Variants in TLK1 observed in about 807,000 individuals in gnomAD.
TLK1 encodes serine/threonine-protein kinase tousled-like 1.
TLK1 carries 24 observed loss-of-function variants against 105.3 expected under a neutral mutation model. The ratio of observed to expected loss-of-function variants is 0.23; its 90% CI spans 0.17 to 0.32. TLK1 has a LOEUF of 0.32. Among genes scored for constraint, TLK1 ranks in the 10% least tolerant of loss-of-function variants. TLK1 has a pLI of 1.00. For synonymous variants in TLK1, 321 were observed against 310.4 expected (o/e 1.03, Z -0.36); for missense variants, 558 against 910.5 (o/e 0.61, Z 4.98).
At chr2:170,995,754 G>A (rs886923044) in intron 20 of TLK1, among the ~76,000 whole-genome samples, 18 of 152,144 alleles carry the variant, frequency 1.2e-4, no homozygotes, top group Admixed American at 9.8e-4. Flanking sequence ...CCATGCAGGA[G>A]TGCAGTGGTG....
chr2:171,150,403 A>G (rs1475945061), intron 1 of TLK1, among the ~76,000 whole-genome samples: 2 of 152,190 alleles, frequency 1.3e-5, no homozygotes, highest in African/African-American at 4.8e-5. Flanking sequence ...TTTTTTGCTC[A>G]TTATCATCCC....
chr2:171,138,461 T>C lies in TLK1; in HGVS notation c.140-20604A>G, dbSNP rs563976071. On this transcript the variant is annotated intron_variant, in intron 1 of 20. Transcript: ENST00000431350. ...TCAGATGGCAGCATTTGGAGGACAG[T>C]ACGAAATAACGTAATCCCTCTTAAA... Among the ~76,000 whole-genome samples the C allele has an allele frequency of 1.4e-3, 220 of 152,324 alleles. 1 individual carries two copies. The highest frequency in any genetic ancestry group is 3.5e-3 in the Admixed American group (53 of 15,300).
At chr2:171,123,203 A>G (rs1690731566) in intron 1 of TLK1, among the ~76,000 whole-genome samples, 1 of 152,002 alleles carries the variant, frequency 6.6e-6, no homozygotes, top group Non-Finnish European at 1.5e-5. Flanking sequence ...CTCATCTGTT[A>G]AATTTTGTTT....
intron 1 of TLK1, among the ~76,000 whole-genome samples, chr2:171,227,367 T>C (rs1237320941): frequency 6.6e-6 from 1 of 152,170 alleles, no homozygotes; most frequent in Non-Finnish European, 1.5e-5. Context: ...TTTCAGTGAA[T>C]AGAATGAGAG....
At chr2:171,050,617 ATAAC>A (rs748404115) in intron 8 of TLK1, among the ~76,000 whole-genome samples, 5 of 152,192 alleles carry the variant, frequency 3.3e-5, no homozygotes, top group South Asian at 2.1e-4. Flanking sequence ...TCTATCTCTT[ATAAC>A]TAACAAAATA....
At chr2:171,195,876 C>A (rs1251225562) in intron 1 of TLK1, among the ~76,000 whole-genome samples, 1 of 151,770 alleles carries the variant, frequency 6.6e-6, no homozygotes, top group Non-Finnish European at 1.5e-5. Context: ...TGGCAAAACC[C>A]CGTCTTGCAA....
intron 2 of TLK1, among the ~76,000 whole-genome samples, chr2:171,089,905 T>C (rs987237199): frequency 2.0e-5 from 3 of 152,218 alleles, no homozygotes; most frequent in Non-Finnish European, 4.4e-5. Flanking sequence ...AGCTCTGTTA[T>C]TGTCCTTTAA....
At chr2:171,035,387 T>C (rs1037537359) in intron 11 of TLK1, among the ~76,000 whole-genome samples, 1 of 151,856 alleles carries the variant, frequency 6.6e-6, no homozygotes, top group Non-Finnish European at 1.5e-5. Flanking sequence ...ACAAGCACTC[T>C]TCTCTTGTCT....
chr2:171,227,411 G>T (rs906282729), intron 1 of TLK1, among the ~76,000 whole-genome samples: 1 of 152,136 alleles, frequency 6.6e-6, no homozygotes, highest in Non-Finnish European at 1.5e-5. Flanking sequence ...TGCTACAACT[G>T]CAGGAGAGCT....
chr2:170,995,595 C>CA (rs1231135951), intron 20 of TLK1, among the ~76,000 whole-genome samples: 1 of 152,096 alleles, frequency 6.6e-6, no homozygotes, highest in Non-Finnish European at 1.5e-5. Context: ...AATGAGGCTA[C>CA]AGACAGAAAA....
At chr2:171,143,937 C>T (rs531652969) in intron 1 of TLK1, among the ~76,000 whole-genome samples, 1 of 152,270 alleles carries the variant, frequency 6.6e-6, no homozygotes, top group South Asian at 2.1e-4. Flanking sequence ...CAATTAAACG[C>T]TGTCTACTTA....
intron 20 of TLK1, 41 bp from the exon 21 acceptor site, chr2:170,993,997 T>C (rs1189062565): frequency 1.3e-6 from 2 of 1,535,008 alleles, no homozygotes; most frequent in African/African-American, 1.4e-5. Flanking sequence ...AATGATCTTT[T>C]TCCCTTCTAA....
At chr2:171,068,968 T>G (rs1688134481) in intron 3 of TLK1, among the ~76,000 whole-genome samples, 1 of 152,194 alleles carries the variant, frequency 6.6e-6, no homozygotes, top group African/African-American at 2.4e-5. Context: ...AATAAAATTC[T>G]GAAACAAAAT....
chr2:171,219,381 CTCTG>C (rs1377804282), intron 1 of TLK1, among the ~76,000 whole-genome samples: 1 of 152,152 alleles, frequency 6.6e-6, no homozygotes, highest in Non-Finnish European at 1.5e-5. Context: ...CTCTGTCTCT[CTCTG>C]TCTTAGTTCA....
chr2:171,015,721 ACACACACACACC>A (rs779452388), intron 12 of TLK1, among the ~76,000 whole-genome samples: 7,322 of 37,878 alleles, frequency 0.19, 416 homozygotes, highest in African/African-American at 0.3. Flanking sequence ...ACACACACAC[ACACACACACACC>A]CACCCCTTTT....
intron 1 of TLK1, among the ~76,000 whole-genome samples, chr2:171,122,199 C>G (rs1484043495): frequency 1.3e-5 from 2 of 152,062 alleles, no homozygotes; most frequent in Admixed American, 6.6e-5. Context: ...CTCTTGACCT[C>G]GTGAATTACA....
At chr2:171,192,418 G>A (rs1056377997) in intron 1 of TLK1, among the ~76,000 whole-genome samples, 5 of 152,228 alleles carry the variant, frequency 3.3e-5, no homozygotes, top group East Asian at 1.9e-4. Flanking sequence ...GGTGGCTCAC[G>A]CCTATAATCC....
intron 2 of TLK1, among the ~76,000 whole-genome samples, chr2:171,117,398 T>A (rs1690481263): frequency 6.6e-6 from 1 of 152,110 alleles, no homozygotes; most frequent in African/African-American, 2.4e-5. Context: ...CTAAAAGATA[T>A]ACACTATTAA....
intron 1 of TLK1, among the ~76,000 whole-genome samples, chr2:171,196,004 C>A (rs1480374327): frequency 1.4e-5 from 2 of 144,370 alleles, no homozygotes; most frequent in Non-Finnish European, 3.0e-5. Context: ...CACCAGTGCA[C>A]TCCAGCCTGA....
Sources: allele counts gnomAD v4.1 joint callset (sites outside exome capture counted in the v4.1 genomes callset), GRCh38; gene constraint gnomAD v4.1.1; transcripts MANE v1.5; gene names NCBI Gene and HGNC (gene_info 2026-07-23, HGNC 2026-07-21).